The following HHIP variants were observed in gnomAD, a reference collection of about 807,000 sequenced individuals.
The protein encoded by HHIP is hedgehog interacting protein.
Under a neutral mutation model 74.0 loss-of-function variants are expected in HHIP, and 12 were observed. The ratio of observed to expected loss-of-function variants is 0.16; its 90% CI spans 0.10 to 0.26. The LOEUF (loss-of-function observed/expected upper bound fraction) is 0.26, where lower values mean the gene tolerates loss of function less well. Ranked by LOEUF, HHIP falls within the 10% of genes least tolerant of loss-of-function variation. The pLI is 1.00. For missense variants in HHIP, 788 were observed against 845.0 expected (o/e 0.93, Z 0.84); for synonymous variants, 309 against 311.6 (o/e 0.99, Z 0.09).
chr4:144,722,477 G>C (rs1330768252), intron 11 of HHIP, among the ~76,000 whole-genome samples: 2 of 152,018 alleles, frequency 1.3e-5, no homozygotes, highest in African/African-American at 4.8e-5. Flanking sequence ...AGGCATTCCA[G>C]GATTATTTTC....
chr4:144,736,095 CT>C (rs1054637670), intron 12 of HHIP, among the ~76,000 whole-genome samples: 1 of 150,634 alleles, frequency 6.6e-6, no homozygotes, highest in Non-Finnish European at 1.5e-5. Flanking sequence ...TATTATCTCT[CT>C]GCTTCCTTTG....
intron 4 of HHIP, among the ~76,000 whole-genome samples, chr4:144,692,983 G>C (rs1729716333): frequency 6.6e-6 from 1 of 152,122 alleles, no homozygotes; most frequent in African/African-American, 2.4e-5. Context: ...TGACACATGA[G>C]GACATGGAAG....
chr4:144,656,281 A>T (rs1468773929), intron 2 of HHIP, among the ~76,000 whole-genome samples: 1 of 152,194 alleles, frequency 6.6e-6, no homozygotes, highest in Non-Finnish European at 1.5e-5. Flanking sequence ...TAGGTTATTC[A>T]GTTTGTCTAA....
At chr4:144,665,146 C>T (rs1473767829) in intron 4 of HHIP, among the ~76,000 whole-genome samples, 1 of 152,124 alleles carries the variant, frequency 6.6e-6, no homozygotes, top group African/African-American at 2.4e-5. Flanking sequence ...GCGATCTCAG[C>T]TCACTGTAAC....
At chr4:144,692,654 C>T (rs752707370) in intron 4 of HHIP, among the ~76,000 whole-genome samples, 98 of 152,206 alleles carry the variant, frequency 6.4e-4, no homozygotes, top group Non-Finnish European at 1.1e-3. Flanking sequence ...AGTTGAAATA[C>T]GTATTTATGT....
chr4:144,700,161 G>A (rs1729937420), intron 4 of HHIP, among the ~76,000 whole-genome samples: 1 of 152,138 alleles, frequency 6.6e-6, no homozygotes, highest in Non-Finnish European at 1.5e-5. Flanking sequence ...CAATTCTGAA[G>A]GATAGTTTCA....
At chr4:144,681,091 T>C (rs1012537511) in intron 4 of HHIP, among the ~76,000 whole-genome samples, 1 of 152,220 alleles carries the variant, frequency 6.6e-6, no homozygotes, top group Non-Finnish European at 1.5e-5. Flanking sequence ...TATTCTTATA[T>C]GTAAAATATG....
Position 144,646,761 on chromosome 4 carries a change from A to G in HHIP, c.86A>G (p.Asn29Ser). The G allele has an allele frequency of 6.2e-7, 1 of 1,614,182 alleles. No individual in the cohort carries two copies. The highest frequency in any genetic ancestry group is 8.5e-7 in the Non-Finnish European group (1 of 1,180,020). The change falls in exon 1 of 13, where the codon AAC (asparagine) becomes AGC (serine). Residue 29 changes from asparagine to serine, a missense_variant. Transcript: ENST00000296575. ...GGAGATGCTAAGTTTGGGGAAAGAA[A>G]CGAAGGGAGCGGAGCAAGGAGGAGA... is the stretch of plus-strand genomic sequence containing the variant. ...FEGDAKFGERNEGSGARRRRC... is the reference protein window; with the variant it reads ...FEGDAKFGERSEGSGARRRRC...
intron 4 of HHIP, among the ~76,000 whole-genome samples, chr4:144,661,680 G>T (rs747678676): frequency 2.0e-5 from 3 of 152,126 alleles, no homozygotes; most frequent in Admixed American, 6.6e-5. Flanking sequence ...TTTATGAGTT[G>T]ATCATAGCAC....
At chr4:144,671,605 C>G (rs1729039880) in intron 4 of HHIP, among the ~76,000 whole-genome samples, 1 of 152,222 alleles carries the variant, frequency 6.6e-6, no homozygotes, top group African/African-American at 2.4e-5. Flanking sequence ...CACTCACTCA[C>G]TGATCATATG....
At chr4:144,731,915 G>A (rs1314308459) in intron 11 of HHIP, among the ~76,000 whole-genome samples, 1 of 152,126 alleles carries the variant, frequency 6.6e-6, no homozygotes, top group African/African-American at 2.4e-5. Context: ...AGATCACACT[G>A]CATTATACTT....
At chr4:144,732,205 A>G (rs1294931830) in intron 11 of HHIP, among the ~76,000 whole-genome samples, 1 of 152,212 alleles carries the variant, frequency 6.6e-6, no homozygotes, top group Non-Finnish European at 1.5e-5. Flanking sequence ...AGTTTAAAAG[A>G]GAGAGGATTG....
intron 9 of HHIP, 148 bp from the exon 10 acceptor site, chr4:144,715,152 C>A: frequency 1.6e-6 from 1 of 640,972 alleles, no homozygotes; most frequent in Non-Finnish European, 2.6e-6. Flanking sequence ...AGTACTCACA[C>A]ACGTTATGGG....
In HHIP at chr4:144,647,069, C is replaced by G. The variant is rs937281110; in HGVS notation, c.279+115C>G. The G allele has an allele frequency of 3.7e-6, 3 of 818,992 alleles. No individual in the cohort carries two copies. The African/African-American group carries it at 5.1e-5, about 14-fold the overall frequency. The allele number at this position is 818,992 out of a possible 1,614,324, so 50.7% of individuals were successfully genotyped here. ...AGGTCAAAACTTCTTTGGGGGAGTT[C>G]TTTCCATAACTTTTCTATAGCGCTA... On this transcript the variant is annotated intron_variant, in intron 1 of 12. Transcript: ENST00000296575.
chr4:144,705,159 A>C (rs1469136550), intron 4 of HHIP, among the ~76,000 whole-genome samples: 1 of 152,166 alleles, frequency 6.6e-6, no homozygotes, highest in Non-Finnish European at 1.5e-5. Context: ...GGTGATCTAT[A>C]CCTAAAAACA....
intron 2 of HHIP, chr4:144,655,087 C>T (rs1728524785): frequency 6.6e-6 from 1 of 152,088 alleles, no homozygotes; most frequent in Admixed American, 6.6e-5. Context: ...TAAGAAAGCA[C>T]AGTCACTTTA....
intron 1 of HHIP, among the ~76,000 whole-genome samples, chr4:144,649,399 A>T (rs574408381): frequency 6.6e-6 from 1 of 152,260 alleles, no homozygotes; most frequent in South Asian, 2.1e-4. Flanking sequence ...AGGCTAAGAA[A>T]TTTTTTTAAT....
chr4:144,722,395 G>A (rs187250236), intron 11 of HHIP, among the ~76,000 whole-genome samples: 1 of 152,246 alleles, frequency 6.6e-6, no homozygotes, highest in East Asian at 1.9e-4. Flanking sequence ...ATTCTACAGA[G>A]GGCTGTGAAG....
Position 144,744,443 on chromosome 4 carries a change from C to T in HHIP, c.*6486C>T, listed in dbSNP as rs1731332927. On this transcript the variant is annotated 3_prime_UTR_variant, in exon 13 of 13. Transcript: ENST00000296575. ...TCCAGAGCCTTACTCGCAGGAGACA[C>T]CAGACCCAACCCATGCTTAGATTTC... 1 of 152,088 alleles carries T rather than the reference C, an allele frequency of 6.6e-6. No homozygotes were observed. Among genetic ancestry groups the T allele is most frequent in the South Asian group, 2.1e-4 (1 of 4,820 alleles). The allele number at this position is 152,088 out of a possible 1,614,324, so 9.4% of individuals were successfully genotyped here. A position where few individuals can be genotyped will look rare whatever the true frequency, so the allele number is the denominator to read the frequency against.
Sources: gnomAD v4.1 joint callset for allele counts (sites outside exome capture counted in the v4.1 genomes callset) on GRCh38, gnomAD v4.1.1 for gene constraint, MANE v1.5 for transcripts, NCBI Gene and HGNC (gene_info 2026-07-23, HGNC 2026-07-21) for gene names.